Variants in SAMMSON observed in about 807,000 individuals in gnomAD.
SAMMSON encodes the protein survival associated mitochondrial melanoma specific oncogenic non-coding RNA.
chr3:70,074,677 A>G (rs530043416), intron 4 of SAMMSON, among the ~76,000 whole-genome samples: 1 of 152,244 alleles, frequency 6.6e-6, no homozygotes, highest in South Asian at 2.1e-4. Flanking sequence ...CAAAAGGTGA[A>G]GGTGACATAA....
Position 70,071,896 on chromosome 3 carries a change from A to G in SAMMSON, n.507+331A>G, listed in dbSNP as rs147172037. 6.2e-4 allele frequency: 94 copies of G among 152,092 alleles called. 1 individual carries two copies. The East Asian group carries it at 0.016, about 26-fold the overall frequency. The allele number at this position is 152,092 out of a possible 1,614,324, so 9.4% of individuals were successfully genotyped here. ...GTAGTTAAAGAAAAGGCTTTTTGAC[A>G]CTGAATAGACAATGTTGTGGCTTTT... On this transcript the variant is annotated intron_variant and non_coding_transcript_variant, in intron 4 of 9. Coordinates refer to ENST00000642114, the Ensembl canonical transcript of SAMMSON.
chr3:70,169,348 T>C (rs1158521811), intron 4 of SAMMSON, among the ~76,000 whole-genome samples: 3 of 152,022 alleles, frequency 2.0e-5, no homozygotes, highest in Non-Finnish European at 4.4e-5. Flanking sequence ...AAAAAGCATA[T>C]GACGTTTTAT....
intron 4 of SAMMSON, among the ~76,000 whole-genome samples, chr3:70,122,960 AG>A (rs1559518801): frequency 6.6e-6 from 1 of 152,132 alleles, no homozygotes. Flanking sequence ...TGTTTTTTGC[AG>A]TGAGGAATGC....
chr3:70,193,495 T>A (rs1576149764), intron 4 of SAMMSON, among the ~76,000 whole-genome samples: 1 of 152,148 alleles, frequency 6.6e-6, no homozygotes, highest in Non-Finnish European at 1.5e-5. Context: ...GACAGGGGTC[T>A]CACTATGTTA....
intron 4 of SAMMSON, among the ~76,000 whole-genome samples, chr3:70,158,948 T>C (rs1284759539): frequency 6.6e-6 from 1 of 152,072 alleles, no homozygotes; most frequent in Non-Finnish European, 1.5e-5. Flanking sequence ...CTCTATATAT[T>C]TGTCCTTTCC....
At chr3:70,395,861 G>T (rs1215904801) in intron 2 of SAMMSON, among the ~76,000 whole-genome samples, 2 of 152,064 alleles carry the variant, frequency 1.3e-5, no homozygotes, top group African/African-American at 4.8e-5. Flanking sequence ...TGCATTGTCT[G>T]GTACTTAAAG....
intron 7 of SAMMSON, among the ~76,000 whole-genome samples, chr3:70,304,396 A>G (rs1385290435): frequency 2.6e-5 from 4 of 152,160 alleles, no homozygotes; most frequent in African/African-American, 9.7e-5. Flanking sequence ...CATATATTCT[A>G]TTGCCCAGTT....
At chr3:70,423,902 G>C (rs1301602415) in intron 2 of SAMMSON, among the ~76,000 whole-genome samples, 2 of 152,130 alleles carry the variant, frequency 1.3e-5, no homozygotes, top group Admixed American at 6.5e-5. Context: ...AGTGGAGTGT[G>C]GGTCATCGTT....
intron 4 of SAMMSON, among the ~76,000 whole-genome samples, chr3:70,142,475 G>A (rs895333662): frequency 3.9e-5 from 6 of 152,146 alleles, no homozygotes; most frequent in Admixed American, 6.6e-5. Context: ...TCATAAGTGG[G>A]AGCTAGGCTA....
At chr3:70,032,641 G>C (rs2107584230) in intron 3 of SAMMSON, among the ~76,000 whole-genome samples, 1 of 152,326 alleles carries the variant, frequency 6.6e-6, no homozygotes, top group South Asian at 2.1e-4. Flanking sequence ...TGTGGAGTTT[G>C]ATGGTTAGTA....
chr3:70,089,546 G>A (rs2067298107), intron 4 of SAMMSON, among the ~76,000 whole-genome samples: 1 of 151,332 alleles, frequency 6.6e-6, no homozygotes, highest in Non-Finnish European at 1.5e-5. Flanking sequence ...ACGGGGGGTG[G>A]GGGTGGGGCT....
rs1559530400 is a variant in SAMMSON at position 70,186,534 on chromosome 3, C to G, written n.508-62573C>G. Among the ~76,000 whole-genome samples, 6 of 152,128 alleles carry G rather than the reference C, an allele frequency of 3.9e-5. No individual in the cohort carries two copies. The South Asian group carries it at 1.2e-3, about 32-fold the overall frequency. On this transcript the variant is annotated intron_variant and non_coding_transcript_variant, in intron 4 of 9. Transcript: ENST00000642114. Reference sequence around the variant, plus strand: ...TAAGTGACCCTCCCGCCTCTGCCCCCTCAAAGTTCTGGGATTACAGGCGTG... The same window carrying G: ...TAAGTGACCCTCCCGCCTCTGCCCCGTCAAAGTTCTGGGATTACAGGCGTG...
chr3:70,366,001 T>TC lies in SAMMSON; in HGVS notation n.913+7677_913+7678insC, dbSNP rs1362861416. 2.1e-3 allele frequency among the ~76,000 whole-genome samples: 46 copies of TC among 21,786 alleles called. 6 individuals are homozygous for TC. Among genetic ancestry groups the TC allele is most frequent in the African/African-American group, 6.2e-3 (37 of 5,938 alleles). The allele number at this position is 21,786 out of a possible 152,430, so 14.3% of individuals were successfully genotyped here. On this transcript the variant is annotated intron_variant and non_coding_transcript_variant, in intron 9 of 9. Coordinates refer to ENST00000642114, the Ensembl canonical transcript of SAMMSON. ...TTTTTTTTTTTTTTTTTTTTTTTTT[T>TC]GAGACGGAGTCTCGCTCTGTCGCCC...
At chr3:70,209,720 T>C (rs1014174099) in intron 4 of SAMMSON, among the ~76,000 whole-genome samples, 2 of 152,098 alleles carry the variant, frequency 1.3e-5, no homozygotes, top group African/African-American at 4.8e-5. Flanking sequence ...TTAGCTTTTA[T>C]CTCTCCTTCC....
chr3:70,206,917 A>G (rs2106724736), intron 4 of SAMMSON: 1 of 394,130 alleles, frequency 2.5e-6, no homozygotes, highest in East Asian at 3.6e-5. Context: ...CAAATGAAGT[A>G]TTATTGAGCA....
chr3:70,011,821 T>C (rs959635299), intron 1 of SAMMSON, among the ~76,000 whole-genome samples: 11 of 152,150 alleles, frequency 7.2e-5, no homozygotes, highest in Non-Finnish European at 1.2e-4. Context: ...GAAAGCACAG[T>C]GATCTCAGAC....
chr3:70,182,203 C>T (rs1701058834), intron 4 of SAMMSON, among the ~76,000 whole-genome samples: 1 of 152,070 alleles, frequency 6.6e-6, no homozygotes, highest in African/African-American at 2.4e-5. Flanking sequence ...GCTTGCTTAT[C>T]TCCCCAACCC....
At chr3:70,373,787 T>G (rs1484496444) in intron 9 of SAMMSON, among the ~76,000 whole-genome samples, 1 of 152,242 alleles carries the variant, frequency 6.6e-6, no homozygotes, top group African/African-American at 2.4e-5. Context: ...GTTTTTCAGT[T>G]TAAAATTTTT....
chr3:70,201,725 A>C (rs749127863), intron 4 of SAMMSON, among the ~76,000 whole-genome samples: 6 of 152,148 alleles, frequency 3.9e-5, no homozygotes, highest in Admixed American at 3.3e-4. Flanking sequence ...CTTCTGACAC[A>C]CTTGAGCATG....
Sources: gnomAD v4.1 joint callset for allele counts (sites outside exome capture counted in the v4.1 genomes callset) on GRCh38, gnomAD v4.1.1 for gene constraint, MANE v1.5 for transcripts, NCBI Gene and HGNC (gene_info 2026-07-23, HGNC 2026-07-21) for gene names.